TMX3: variants seen among roughly 807,000 people sequenced by gnomAD.
TMX3 encodes the protein thioredoxin related transmembrane protein 3.
In TMX3, 40 loss-of-function variants were observed where a neutral mutation model predicts 64.4. The observed-to-expected ratio is 0.62, with a 90% CI of 0.48 to 0.81. The LOEUF is 0.81. TMX3 is among the 30% of genes least tolerant of loss of function. TMX3 has a pLI of 0.00. For synonymous variants in TMX3, 189 were observed against 175.7 expected (o/e 1.08, Z -0.60); for missense variants, 497 against 534.5 (o/e 0.93, Z 0.69).
At chr18:68,694,230 G>GGAACCCA (rs1368108123) in intron 8 of TMX3, among the ~76,000 whole-genome samples, 11 of 152,236 alleles carry the variant, frequency 7.2e-5, no homozygotes, top group Non-Finnish European at 1.3e-4. Flanking sequence ...AACCCTTCTG[G>GGAACCCA]GAACCCAGAC....
chr18:68,678,605 G>C (rs559212875), intron 15 of TMX3, among the ~76,000 whole-genome samples: 3 of 152,234 alleles, frequency 2.0e-5, no homozygotes, highest in African/African-American at 7.2e-5. Context: ...GATCTAATTA[G>C]TTTGACAGAG....
intron 5 of TMX3, 127 bp from the exon 6 acceptor site, chr18:68,700,612 T>G (rs1436457997): frequency 9.8e-7 from 1 of 1,020,204 alleles, no homozygotes; most frequent in Non-Finnish European, 1.3e-6. Context: ...GTTTTAGAAG[T>G]AGCTCTCATG....
chr18:68,691,365 C>CA lies in TMX3; in HGVS notation c.571-5dup. 3 of 1,487,274 alleles carry CA rather than the reference C, an allele frequency of 2.0e-6. No homozygotes were observed. The highest frequency in any genetic ancestry group is 1.4e-5 in the South Asian group (1 of 70,832). The allele number at this position is 1,487,274 out of a possible 1,614,324, so 92.1% of individuals were successfully genotyped here. On this transcript the variant is annotated splice_region_variant and splice_polypyrimidine_tract_variant and intron_variant, in intron 8 of 15. Coordinates refer to ENST00000299608, the MANE Select transcript of TMX3 (RefSeq NM_019022.5). Reference sequence around the variant, plus strand: ...GCATCTCTTTTAGTGTCACATACTGCAAAAAATCAGAAGTTTAAATAACTT... The same window carrying CA: ...GCATCTCTTTTAGTGTCACATACTGCAAAAAAATCAGAAGTTTAAATAACTT...
At chr18:68,683,028 G>A (rs763680872) in intron 12 of TMX3, 47 bp from the exon 13 acceptor site, 1 of 1,538,982 alleles carries the variant, frequency 6.5e-7, no homozygotes, top group Non-Finnish European at 8.9e-7. Flanking sequence ...AGAGGGGGTG[G>A]GGGGAGAGAG....
chr18:68,693,776 G>A (rs1339819532), intron 8 of TMX3, among the ~76,000 whole-genome samples: 1 of 152,078 alleles, frequency 6.6e-6, no homozygotes, highest in Non-Finnish European at 1.5e-5. Context: ...TCAGGCCAGG[G>A]AAGGCCTGAA....
intron 4 of TMX3, among the ~76,000 whole-genome samples, chr18:68,707,393 C>T (rs1207815530): frequency 2.0e-5 from 3 of 152,166 alleles, no homozygotes; most frequent in Non-Finnish European, 4.4e-5. Flanking sequence ...ACACTTTCTT[C>T]TCTAAGTGTC....
At chr18:68,681,216 C>A (rs777237333) in intron 13 of TMX3, 106 bp from the exon 14 acceptor site, 1 of 1,005,064 alleles carries the variant, frequency 9.9e-7, no homozygotes, top group Non-Finnish European at 1.3e-6. Flanking sequence ...CTATTTAACA[C>A]ATTTGTGCAT....
chr18:68,677,263 T>A lies in TMX3; in HGVS notation c.1105-70A>T, dbSNP rs927998096. ...TGATATATATAGCATGAAATGAACT[T>A]GAAACCACTATAGATTTCTCTTGTT... On this transcript the variant is annotated intron_variant, in intron 15 of 15. Transcript: ENST00000299608. 1.5e-5 allele frequency: 22 copies of A among 1,490,284 alleles called. No homozygotes were observed. The African/African-American group carries it at 2.7e-4, about 18-fold the overall frequency. The allele number at this position is 1,490,284 out of a possible 1,614,324, so 92.3% of individuals were successfully genotyped here.
At chr18:68,714,181 C>T (rs544997377) in intron 1 of TMX3, 4 of 211,110 alleles carry the variant, frequency 1.9e-5, no homozygotes, top group Non-Finnish European at 3.7e-5. Context: ...TCTCATCTTA[C>T]GTCTCTTTTT....
At chr18:68,677,247 T>TA in intron 15 of TMX3, 54 bp from the exon 16 acceptor site, 1 of 1,532,860 alleles carries the variant, frequency 6.5e-7, no homozygotes. Flanking sequence ...CTGATATATA[T>TA]AGCATGAAAT....
chr18:68,692,594 T>A (rs1914631636), intron 8 of TMX3, among the ~76,000 whole-genome samples: 1 of 152,182 alleles, frequency 6.6e-6, no homozygotes, highest in South Asian at 2.1e-4. Context: ...GACCACAAAA[T>A]TATGGGCTTT....
intron 9 of TMX3, among the ~76,000 whole-genome samples, chr18:68,689,207 G>T (rs974243184): frequency 2.0e-5 from 3 of 152,172 alleles, no homozygotes; most frequent in African/African-American, 7.2e-5. Context: ...ACTACTGCAG[G>T]TTAGAGAAAT....
intron 12 of TMX3, 69 bp from the exon 13 acceptor site, chr18:68,683,050 T>TC (rs1475001043): frequency 1.5e-6 from 2 of 1,357,550 alleles, no homozygotes; most frequent in African/African-American, 2.9e-5. Flanking sequence ...GAGAGAAAGC[T>TC]CATTAAATAG....
In TMX3 at chr18:68,675,686, A is replaced by C. The variant is rs1912869640; in HGVS notation, c.*1247T>G. On this transcript the variant is annotated 3_prime_UTR_variant, in exon 16 of 16. Coordinates refer to ENST00000299608, the MANE Select transcript of TMX3 (RefSeq NM_019022.5). ...CTAATATAAATTCTAAACTTAGCTA[A>C]AATGAAGGCCTCAAAAATAATTTAT... is the stretch of plus-strand genomic sequence containing the variant. The C allele has an allele frequency of 6.6e-6, 1 of 152,188 alleles. No homozygotes were observed. The highest frequency in any genetic ancestry group is 2.1e-4 in the South Asian group (1 of 4,836). 9.4% of individuals were successfully genotyped at this position (152,188 alleles called of 1,614,324 possible). A position where few individuals can be genotyped will look rare whatever the true frequency, so the allele number is the denominator to read the frequency against.
At chr18:68,703,994 T>C (rs541564836) in intron 4 of TMX3, among the ~76,000 whole-genome samples, 29 of 152,076 alleles carry the variant, frequency 1.9e-4, no homozygotes, top group African/African-American at 6.7e-4. Context: ...TATAAACACA[T>C]AATGACCCCA....
rs1029585633 is a variant in TMX3, at chr18:68,687,725, T to C, written c.678A>G (p.Glu226=). ...CCATAGCAAGGTAATTCTGAAACCTTTCCCTGTTGATCCATGATGACAGAT... is the reference window on the plus strand; with the variant it reads ...CCATAGCAAGGTAATTCTGAAACCTCTCCCTGTTGATCCATGATGACAGAT... ...DGDLSSWINR[E]RFQNYLAMDG... The change falls in exon 10 of 16, where the codon GAA becomes GAG. Residue 226 remains glutamate (E), a synonymous_variant. Coordinates refer to ENST00000299608, the MANE Select transcript of TMX3 (RefSeq NM_019022.5). 6.2e-7 allele frequency: 1 copy of C among 1,612,570 alleles called. No homozygotes were observed. The highest frequency in any genetic ancestry group is 8.5e-7 in the Non-Finnish European group (1 of 1,179,356).
intron 4 of TMX3, among the ~76,000 whole-genome samples, chr18:68,706,685 A>G (rs191373834): frequency 1.3e-5 from 2 of 152,328 alleles, no homozygotes; most frequent in African/African-American, 4.8e-5. Context: ...TTAGTGTTCT[A>G]CAGGTAGACT....
rs552707724 is a variant in TMX3, at chr18:68,677,055, T to G, written c.1243A>C (p.Ser415Arg). Residue 415 changes from serine to arginine, a missense_variant, in exon 16 of 16, where the codon AGT becomes CGT. Ser to Arg is a moderately radical substitution (Grantham distance 110). Transcript: ENST00000299608. ...YIEERYEVSK[S>R]ENENQEQIEE... is the part of the protein sequence containing the mutation. ...ATCTGTTCTTGGTTTTCATTTTCAC[T>G]TTTAGACACTTCATATCGTTCTTCT... The G allele has an allele frequency of 6.2e-7, 1 of 1,613,894 alleles. No homozygotes were observed. The highest frequency in any genetic ancestry group is 8.5e-7 in the Non-Finnish European group (1 of 1,179,836).
chr18:68,684,112 A>C, intron 12 of TMX3, 78 bp downstream of exon 12: 1 of 1,006,738 alleles, frequency 9.9e-7, no homozygotes. Context: ...AAGCATGAAT[A>C]CTACTAAGTT....
Sources: gnomAD v4.1 joint callset for allele counts (sites outside exome capture counted in the v4.1 genomes callset) on GRCh38, gnomAD v4.1.1 for gene constraint, MANE v1.5 for transcripts, NCBI Gene and HGNC (gene_info 2026-07-23, HGNC 2026-07-21) for gene names.